The following SLIT1 variants were observed in gnomAD, a reference collection of about 807,000 sequenced individuals.
The protein encoded by SLIT1 is slit homolog 1 protein.
In SLIT1, 66 loss-of-function variants were observed where a neutral mutation model predicts 186.1. The observed-to-expected ratio is 0.35, with a 90% CI of 0.29 to 0.44. The LOEUF (loss-of-function observed/expected upper bound fraction) is 0.44. Among genes scored for constraint, SLIT1 ranks in the 20% least tolerant of loss-of-function variants. The probability of loss-of-function intolerance (pLI) is 1.00; values close to 1 mark genes in which losing one functional copy is unlikely to be tolerated. For synonymous variants in SLIT1, 761 were observed against 833.8 expected, an observed-to-expected ratio of 0.91 and a Z score of 1.50; for missense variants, 1,638 against 2,037.4, an observed-to-expected ratio of 0.80 and a Z score of 3.77.
At position 97,185,659 on chromosome 10, in the gene SLIT1, C is replaced by T. The variant is rs959255326; in HGVS notation, c.16G>A (p.Gly6Arg). The change falls in exon 1 of 37, where the codon GGG becomes AGG. Residue 6 changes from glycine (G) to arginine (R), a missense_variant. Physicochemically the swap from Gly to Arg is moderately radical, Grantham distance 125. Around this residue, in one of 3 missense-constraint regions of SLIT1, gnomAD observed 1,245 missense variants for 1,535.3 expected, o/e 0.81. Transcript: ENST00000266058. Reference protein sequence around the residue: MALTPGWGSSAGPVRP... With the variant: MALTPRWGSSAGPVRP... ...ACCGGCCCCGCCGAGGACCCCCACC[C>T]GGGAGTCAGCGCCATGGTGCCCTCA... The T allele has an allele frequency of 2.0e-6, 3 of 1,535,404 alleles. No individual in the cohort carries two copies. The highest frequency in any genetic ancestry group is 2.4e-5 in the South Asian group (2 of 83,808).
At chr10:97,059,949 G>T in intron 10 of SLIT1, 138 bp downstream of exon 10, 1 of 760,690 alleles carries the variant, frequency 1.3e-6, no homozygotes, top group Non-Finnish European at 2.4e-6. Context: ...GCAGCCTGAA[G>T]GGCAGGAAGG....
chr10:97,050,907 T>C (rs1288233275), intron 13 of SLIT1, among the ~76,000 whole-genome samples: 1 of 152,198 alleles, frequency 6.6e-6, no homozygotes, highest in East Asian at 1.9e-4. Flanking sequence ...GTACAAACTT[T>C]AGTATTTTAT....
At chr10:97,079,947 G>A (rs1849087082) in intron 4 of SLIT1, among the ~76,000 whole-genome samples, 1 of 152,196 alleles carries the variant, frequency 6.6e-6, no homozygotes, top group Admixed American at 6.5e-5. Flanking sequence ...TAGGCCAATG[G>A]AATAGCCTTC....
At chr10:97,072,160 T>C (rs1849006476) in intron 4 of SLIT1, among the ~76,000 whole-genome samples, 1 of 152,090 alleles carries the variant, frequency 6.6e-6, no homozygotes, top group Admixed American at 6.5e-5. Context: ...TTTTTAATTA[T>C]TTTGTTTATT....
At chr10:97,182,833 T>C (rs1316169375) in intron 1 of SLIT1, among the ~76,000 whole-genome samples, 1 of 152,146 alleles carries the variant, frequency 6.6e-6, no homozygotes, top group Non-Finnish European at 1.5e-5. Context: ...TGGCTCATAC[T>C]CACACCTGCT....
chr10:97,075,071 C>CCTTA (rs1320255879), intron 4 of SLIT1, among the ~76,000 whole-genome samples: 1 of 152,212 alleles, frequency 6.6e-6, no homozygotes, highest in Admixed American at 6.5e-5. Context: ...AGGGCACAGG[C>CCTTA]CTTACTTTGT....
intron 4 of SLIT1, among the ~76,000 whole-genome samples, chr10:97,071,748 T>C (rs1048408657): frequency 6.6e-6 from 1 of 152,080 alleles, no homozygotes; most frequent in African/African-American, 2.4e-5. Flanking sequence ...CACGTATAAG[T>C]CTAAAAGGAT....
In SLIT1 at chr10:97,004,028, C is replaced by A. The variant is rs760387535; in HGVS notation, c.3865+40G>T. On this transcript the variant is annotated intron_variant, in intron 34 of 36. Transcript: ENST00000266058. The surrounding 1 kb of genome is among the most constrained non-coding windows in gnomAD (Gnocchi z 5.1). ...ACCAGCTCTCCTGGCTGGCCTCAGGCCAGACAGCAAAAGAGGCCCCGCCAG... is the reference window on the plus strand; with the variant it reads ...ACCAGCTCTCCTGGCTGGCCTCAGGACAGACAGCAAAAGAGGCCCCGCCAG... 7 of 1,569,856 alleles carry A rather than the reference C, an allele frequency of 4.5e-6. No individual in the cohort carries two copies. The highest frequency in any genetic ancestry group is 4.5e-5 in the East Asian group (2 of 44,186).
intron 4 of SLIT1, among the ~76,000 whole-genome samples, chr10:97,098,579 A>T (rs938094406): frequency 6.6e-6 from 1 of 152,190 alleles, no homozygotes; most frequent in African/African-American, 2.4e-5. Context: ...ACAAGCTAGG[A>T]GGTGCCTGGG....
At chr10:97,003,598 C>T (rs772411048) in intron 34 of SLIT1, among the ~76,000 whole-genome samples, 1 of 152,184 alleles carries the variant, frequency 6.6e-6, no homozygotes, top group Non-Finnish European at 1.5e-5. Context: ...CTCATCAATA[C>T]CGAGAAATGC....
chr10:97,145,702 T>G (rs1849809982), intron 4 of SLIT1, among the ~76,000 whole-genome samples: 1 of 152,152 alleles, frequency 6.6e-6, no homozygotes, highest in African/African-American at 2.4e-5. Flanking sequence ...ATCAGTTCCT[T>G]ACCTTCCCTT....
At chr10:97,048,112 A>C (rs1303538629) in intron 14 of SLIT1, 116 bp from the exon 15 acceptor site, 5 of 1,090,838 alleles carry the variant, frequency 4.6e-6, no homozygotes, top group Non-Finnish European at 7.1e-6. Flanking sequence ...TGAGGAGCCC[A>C]TCTGCCCAGT....
chr10:97,071,679 G>A (rs1321934648), intron 4 of SLIT1, among the ~76,000 whole-genome samples: 1 of 152,164 alleles, frequency 6.6e-6, no homozygotes, highest in Non-Finnish European at 1.5e-5. Context: ...GGGGCTCTGA[G>A]CTTTCTCACT....
chr10:97,087,740 C>T (rs1351081516), intron 4 of SLIT1, among the ~76,000 whole-genome samples: 2 of 152,042 alleles, frequency 1.3e-5, no homozygotes, highest in Admixed American at 6.5e-5. Flanking sequence ...GAGCCCGAGG[C>T]CTCCACTCTA....
chr10:97,098,693 G>A (rs141192341), intron 4 of SLIT1, among the ~76,000 whole-genome samples: 47 of 152,332 alleles, frequency 3.1e-4, no homozygotes, highest in Non-Finnish European at 6.0e-4. Flanking sequence ...GATCAGCGTG[G>A]TGTCTCAGGA....
chr10:97,012,780 T>C (rs1367271792), intron 30 of SLIT1, among the ~76,000 whole-genome samples: 2 of 152,138 alleles, frequency 1.3e-5, no homozygotes, highest in Non-Finnish European at 2.9e-5. Flanking sequence ...CTCAGGCTGC[T>C]CCAGCTAGAC....
chr10:97,052,942 C>A (rs1283604619), intron 13 of SLIT1, among the ~76,000 whole-genome samples: 2 of 152,066 alleles, frequency 1.3e-5, no homozygotes, highest in African/African-American at 2.4e-5. Context: ...TGCTTTACAG[C>A]CTTCAATAAT....
In SLIT1 at chr10:97,046,762, T is replaced by C; in HGVS notation, c.1745A>G (p.Asp582Gly). 1 of 1,612,548 alleles carries C rather than the reference T, an allele frequency of 6.2e-7. No homozygotes were observed. Among genetic ancestry groups the C allele is most frequent in the East Asian group, 2.2e-5 (1 of 44,892 alleles). Residue 582 changes from aspartate (D) to glycine (G), a missense_variant, in exon 18 of 37, where the codon GAT becomes GGT. By Grantham distance (94) the Asp-to-Gly change is moderately conservative. This residue lies in a region of SLIT1 where 1,245 missense variants were observed against 1,535.3 expected (regional missense o/e 0.81). Transcript: ENST00000266058. ...AGAGGCTGCGCCCTCGAAGGCCCCA[T>C]CTTCAATTTCTGACACCTTGTTGTT... ...LSNNKVSEIE[D>G]GAFEGAASVS...
rs1439189905 is a variant in SLIT1, at chr10:97,022,567, G to A, written c.2583-1154C>T. Among the ~76,000 whole-genome samples, 1 of 152,160 alleles carries A rather than the reference G, an allele frequency of 6.6e-6. No individual in the cohort carries two copies. The highest frequency in any genetic ancestry group is 2.4e-5 in the African/African-American group (1 of 41,438). ...GTGTGACACTTATCATATGACTTATGCAATTGCCTTCTGATCCAGCCATTG... is the reference window on the plus strand; with the variant it reads ...GTGTGACACTTATCATATGACTTATACAATTGCCTTCTGATCCAGCCATTG... On this transcript the variant is annotated intron_variant, in intron 25 of 36. Transcript: ENST00000266058. The surrounding 1 kb of genome is among the most constrained non-coding windows in gnomAD (Gnocchi z 4.2).
Sources: allele counts gnomAD v4.1 joint callset (sites outside exome capture counted in the v4.1 genomes callset), GRCh38; gene constraint gnomAD v4.1.1; regional missense constraint gnomAD v4.1.1; non-coding constraint Gnocchi (gnomAD v3.1); transcripts MANE v1.5; gene names NCBI Gene and HGNC (gene_info 2026-07-23, HGNC 2026-07-21).